DST: variants seen among roughly 807,000 people sequenced by gnomAD.
DST encodes bullous pemphigoid antigen.
A neutral mutation model predicts 875.2 loss-of-function variants in DST; 253 were observed. The ratio of observed to expected loss-of-function variants is 0.29; its 90% CI spans 0.26 to 0.32. The LOEUF is 0.32. Ranked by LOEUF, DST falls within the 10% of genes least tolerant of loss-of-function variation. The probability of loss-of-function intolerance (pLI) is 1.00; values close to 1 mark genes in which losing one functional copy is unlikely to be tolerated. For synonymous variants in DST, 3,124 were observed against 3,197.1 expected, an observed-to-expected ratio of 0.98 and a Z score of 0.77; for missense variants, 8,287 against 9,111.6, an observed-to-expected ratio of 0.91 and a Z score of 3.68.
intron 98 of DST, 116 bp downstream of exon 98, chr6:56,468,866 T>C (rs2094726685): frequency 2.6e-6 from 2 of 774,518 alleles, no homozygotes; most frequent in Non-Finnish European, 2.1e-6. Context: ...CAACCAACAA[T>C]GTAGTAGCTA....
intron 9 of DST, among the ~76,000 whole-genome samples, chr6:56,686,865 A>T (rs746415901): frequency 6.6e-5 from 10 of 152,240 alleles, no homozygotes; most frequent in Non-Finnish European, 1.5e-4. Flanking sequence ...AAAGCACTTT[A>T]CAGTCTCCTA....
At chr6:56,938,893 T>G (rs991250482) in intron 2 of DST, among the ~76,000 whole-genome samples, 1 of 152,238 alleles carries the variant, frequency 6.6e-6, no homozygotes, top group African/African-American at 2.4e-5. Flanking sequence ...CCAGCTGTGA[T>G]GAGCCAAGCC....
chr6:56,839,897 T>C (rs1163672023), intron 4 of DST, among the ~76,000 whole-genome samples: 1 of 151,672 alleles, frequency 6.6e-6, no homozygotes, highest in Non-Finnish European at 1.5e-5. Flanking sequence ...GGGGGTGGAG[T>C]GGGGTTAGTG....
rs528995411 is a variant in DST at position 56,479,368 on chromosome 6, A to C, written c.21532-1880T>G. ...GATGCCTATGAAAAACAGTATGAAA[A>C]TATTTCAAAAAACTAAAATTAGAAC... On this transcript the variant is annotated intron_variant, in intron 90 of 103. Coordinates refer to ENST00000680361, the MANE Select transcript of DST (RefSeq NM_001374736.1). Among the ~76,000 whole-genome samples, 4 of 152,306 alleles carry C rather than the reference A, an allele frequency of 2.6e-5. No individual in the cohort carries two copies. The South Asian group carries it at 8.3e-4, about 32-fold the overall frequency.
intron 90 of DST, among the ~76,000 whole-genome samples, chr6:56,479,790 C>T (rs2095339815): frequency 6.6e-6 from 1 of 152,184 alleles, no homozygotes; most frequent in Admixed American, 6.5e-5. Flanking sequence ...CGGAGGATCA[C>T]AGGGGCCTGA....
chr6:56,669,914 A>C (rs778535265), intron 10 of DST, among the ~76,000 whole-genome samples: 1 of 152,228 alleles, frequency 6.6e-6, no homozygotes, highest in Non-Finnish European at 1.5e-5. Context: ...AATGCTCACC[A>C]GGAAACTATT....
chr6:56,662,668 G>A (rs1471812470), intron 10 of DST, among the ~76,000 whole-genome samples: 1 of 152,178 alleles, frequency 6.6e-6, no homozygotes, highest in Non-Finnish European at 1.5e-5. Context: ...GGCCGGGCGA[G>A]GTGGCTGATG....
intron 53 of DST, among the ~76,000 whole-genome samples, chr6:56,570,381 C>A (rs1212646736): frequency 6.6e-6 from 1 of 152,154 alleles, no homozygotes; most frequent in Non-Finnish European, 1.5e-5. Context: ...GCTTGTTTTC[C>A]TGAAACTAGG....
intron 64 of DST, among the ~76,000 whole-genome samples, chr6:56,531,126 T>C (rs1169331833): frequency 1.3e-5 from 2 of 152,194 alleles, no homozygotes. Context: ...ATATTCGTAA[T>C]TACCTCTGGA....
rs757379313 is a variant in DST at position 56,601,629 on chromosome 6, A to C, written c.11355T>G (p.Thr3785=). 12 of 1,594,654 alleles carry C rather than the reference A, an allele frequency of 7.5e-6. No homozygotes were observed. Among genetic ancestry groups the C allele is most frequent in the Non-Finnish European group, 9.4e-6 (11 of 1,169,920 alleles). Residue 3785 remains threonine (T), a synonymous_variant, in exon 44 of 104, where the codon ACT becomes ACG. Transcript: ENST00000680361. ...AAATGAAGAACTGCACATCAAAGGC[A>C]GTAGTCTCCAGCTGCATTTTGGTAT... is the stretch of plus-strand genomic sequence containing the variant. The part of the protein sequence containing the change: ...LGHTKMQLET[T]AFDVQFFISE...
chr6:56,752,020 G>T (rs896137892), intron 4 of DST, among the ~76,000 whole-genome samples: 1 of 151,822 alleles, frequency 6.6e-6, no homozygotes, highest in Non-Finnish European at 1.5e-5. Flanking sequence ...ATGAAGCTTA[G>T]ATTTCCATGC....
At chr6:56,534,290 G>T (rs984386371) in intron 63 of DST, among the ~76,000 whole-genome samples, 3 of 151,984 alleles carry the variant, frequency 2.0e-5, no homozygotes, top group African/African-American at 7.3e-5. Context: ...AGTTCCAGAG[G>T]GGAGAAACCT....
intron 85 of DST, among the ~76,000 whole-genome samples, chr6:56,490,710 A>G (rs1486543085): frequency 6.6e-6 from 1 of 152,202 alleles, no homozygotes; most frequent in African/African-American, 2.4e-5. Flanking sequence ...GAAGAAATAA[A>G]TAGTAGAAAC....
chr6:56,940,569 C>CTTTTTTTTTTTTTTT (rs58560493), intron 2 of DST, among the ~76,000 whole-genome samples: 1 of 148,452 alleles, frequency 6.7e-6, no homozygotes, highest in African/African-American at 2.5e-5. Flanking sequence ...TTCTCTTATC[C>CTTTTTTTTTTTTTTT]TTTTTTTTTT....
chr6:56,897,304 T>TG (rs200956256), intron 3 of DST, among the ~76,000 whole-genome samples: 8,093 of 133,488 alleles, frequency 0.061, 332 homozygotes, highest in East Asian at 0.14. Flanking sequence ...TGGTTTTTTT[T>TG]TGGGGGGGGG....
chr6:56,945,452 T>C (rs1818926577), intron 2 of DST, among the ~76,000 whole-genome samples: 1 of 152,164 alleles, frequency 6.6e-6, no homozygotes. Context: ...TGTGAGAATA[T>C]TGCCATTCTC....
chr6:56,646,152 C>A lies in DST; in HGVS notation c.1585G>T (p.Glu529Ter). 1 of 1,523,878 alleles carries A rather than the reference C, an allele frequency of 6.6e-7. No homozygotes were observed. 94.4% of individuals were successfully genotyped at this position (1,523,878 alleles called of 1,614,324 possible). The change falls in exon 14 of 104, where the codon GAA (glutamate) becomes TAA (stop). Residue 529 changes from glutamate to a stop codon, truncating the protein, a stop_gained. Coordinates refer to ENST00000680361, the MANE Select transcript of DST (RefSeq NM_001374736.1). LOFTEE classifies it high-confidence loss of function. ...ALYNQYLQFK[E>*]TEIPPKETEK... ...GTCTCCTTTGGTGGAATTTCTGTTT[C>A]TTTAAACTGTAAATACTGATTATAA... is the stretch of plus-strand genomic sequence containing the variant.
At position 56,459,231 on chromosome 6, in the gene DST, G is replaced by C; in HGVS notation, c.23231C>G (p.Ala7744Gly). ...KKTPSRPGSR[A>G]GSKAGSRASS... ...GGCCCTGCTGCCAGCTTTGCTTCCAGCTCGACTTCCTGGTCGGCTGGGAGT... is the reference window on the plus strand; with the variant it reads ...GGCCCTGCTGCCAGCTTTGCTTCCACCTCGACTTCCTGGTCGGCTGGGAGT... Residue 7744 changes from alanine to glycine, a missense_variant, in exon 104 of 104, where the codon GCT (alanine) becomes GGT (glycine). Ala to Gly is a moderately conservative substitution (Grantham distance 60). This residue lies in a region of DST where 240 missense variants were observed against 237.3 expected (regional missense o/e 1.01). Transcript: ENST00000680361. 1.9e-6 allele frequency: 3 copies of C among 1,613,220 alleles called. No individual in the cohort carries two copies. Among genetic ancestry groups the C allele is most frequent in the Non-Finnish European group, 2.5e-6 (3 of 1,179,560 alleles).
chr6:56,475,948 AG>A (rs1458935819), intron 92 of DST, among the ~76,000 whole-genome samples, 200 bp downstream of exon 92: 1 of 152,152 alleles, frequency 6.6e-6, no homozygotes, highest in African/African-American at 2.4e-5. Context: ...AAAGAAGGAA[AG>A]TTTTGCAAAG....
Sources: gnomAD v4.1 joint callset for allele counts (sites outside exome capture counted in the v4.1 genomes callset) on GRCh38, gnomAD v4.1.1 for gene constraint, gnomAD v4.1.1 regional missense constraint, MANE v1.5 for transcripts, NCBI Gene and HGNC (gene_info 2026-07-23, HGNC 2026-07-21) for gene names.